The following ABHD12B variants were observed in gnomAD, a reference collection of about 807,000 sequenced individuals.
ABHD12B encodes the protein protein ABHD12B.
In ABHD12B, 42 loss-of-function variants were observed where a neutral mutation model predicts 50.4. The ratio of observed to expected loss-of-function variants is 0.83; its 90% confidence interval spans 0.65 to 1.08. The LOEUF (loss-of-function observed/expected upper bound fraction) is 1.08. Ranked by LOEUF, ABHD12B falls within the 50% of genes least tolerant of loss-of-function variation. ABHD12B has a pLI of 0.00. For missense variants in ABHD12B, 479 were observed against 447.7 expected (o/e 1.07, Z -0.63); for synonymous variants, 167 against 160.3 (o/e 1.04, Z -0.32).
chr14:50,885,945 T>C (rs774998445), intron 7 of ABHD12B, 50 bp downstream of exon 7: 1 of 1,608,366 alleles, frequency 6.2e-7, no homozygotes, highest in South Asian at 1.1e-5. Flanking sequence ...GAGGCTTTAG[T>C]GTCCTATCAA....
chr14:50,884,630 T>C lies in ABHD12B; in HGVS notation c.487-984T>C, dbSNP rs72685312. ...TACAGTTGTGAGGATTAAATAAAGTTTCAAAAGTGCCTGCACAGTAAAATT... is the reference window on the plus strand; with the variant it reads ...TACAGTTGTGAGGATTAAATAAAGTCTCAAAAGTGCCTGCACAGTAAAATT... On this transcript the variant is annotated intron_variant, in intron 5 of 12. Coordinates refer to ENST00000337334, the MANE Select transcript of ABHD12B (RefSeq NM_001206673.2). Among the ~76,000 whole-genome samples, 1,320 of 152,256 alleles carry C rather than the reference T, an allele frequency of 8.7e-3. 11 individuals are homozygous for C. The highest frequency in any genetic ancestry group is 0.014 in the Non-Finnish European group (921 of 68,024).
chr14:50,879,579 C>G (rs1348733827), intron 3 of ABHD12B, among the ~76,000 whole-genome samples: 1 of 152,196 alleles, frequency 6.6e-6, no homozygotes, highest in East Asian at 1.9e-4. Context: ...TTCCAGTGAC[C>G]TGTTTTCTAT....
At chr14:50,902,992 G>A (rs866448903) in intron 10 of ABHD12B, among the ~76,000 whole-genome samples, 2 of 152,032 alleles carry the variant, frequency 1.3e-5, no homozygotes. Flanking sequence ...GAGGTTTTGA[G>A]TTTTGTTTTC....
intron 10 of ABHD12B, among the ~76,000 whole-genome samples, chr14:50,902,259 G>C (rs1411738700): frequency 1.3e-5 from 2 of 152,126 alleles, no homozygotes; most frequent in Non-Finnish European, 2.9e-5. Flanking sequence ...GAAGTGAGAG[G>C]ATAGCTTGAG....
At chr14:50,880,697 G>C (rs1325940644) in intron 4 of ABHD12B, 126 bp downstream of exon 4, 1 of 1,145,440 alleles carries the variant, frequency 8.7e-7, no homozygotes, top group African/African-American at 1.6e-5. Context: ...CTTCTCCTTT[G>C]TTGAAATCTG....
chr14:50,884,257 T>C (rs2050002204), intron 5 of ABHD12B, among the ~76,000 whole-genome samples: 1 of 150,854 alleles, frequency 6.6e-6, no homozygotes, highest in African/African-American at 2.5e-5. Context: ...TTGTGGTTCT[T>C]GGGTTGTATT....
At chr14:50,880,824 A>G (rs1225757524) in intron 4 of ABHD12B, among the ~76,000 whole-genome samples, 2 of 152,250 alleles carry the variant, frequency 1.3e-5, no homozygotes, top group Non-Finnish European at 2.9e-5. Flanking sequence ...GATTTCAAAG[A>G]AAGTGATGAT....
chr14:50,873,596 T>G (rs1453953353), intron 1 of ABHD12B, among the ~76,000 whole-genome samples: 2 of 152,192 alleles, frequency 1.3e-5, no homozygotes, highest in African/African-American at 4.8e-5. Flanking sequence ...CTAGAACCCA[T>G]GCCTCCCAGC....
Position 50,872,167 on chromosome 14 carries a change from G to C in ABHD12B, c.-8G>C. Reference sequence around the variant, plus strand: ...CGGCGGTGGCGGCGTATCGGGACACGGCGCGGGATGGACGCGCAGGACTGC... The same window carrying C: ...CGGCGGTGGCGGCGTATCGGGACACCGCGCGGGATGGACGCGCAGGACTGC... On this transcript the variant is annotated 5_prime_UTR_variant, in exon 1 of 13. Transcript: ENST00000337334. 7.7e-7 allele frequency: 1 copy of C among 1,305,586 alleles called. No individual in the cohort carries two copies. The highest frequency in any genetic ancestry group is 9.7e-7 in the Non-Finnish European group (1 of 1,026,458). 80.9% of individuals were successfully genotyped at this position (1,305,586 alleles called of 1,614,324 possible). A position where few individuals can be genotyped will look rare whatever the true frequency, so the allele number is the denominator to read the frequency against.
chr14:50,889,532 G>A (rs996255850), intron 9 of ABHD12B, among the ~76,000 whole-genome samples: 5 of 152,198 alleles, frequency 3.3e-5, no homozygotes, highest in Non-Finnish European at 7.3e-5. Context: ...CAGCTACTCA[G>A]GAGGCTGAGG....
intron 1 of ABHD12B, among the ~76,000 whole-genome samples, chr14:50,876,398 G>A (rs1406405244): frequency 2.0e-5 from 3 of 152,120 alleles, no homozygotes; most frequent in Non-Finnish European, 2.9e-5. Flanking sequence ...ACACTTCAGG[G>A]GGAATTAATT....
At chr14:50,900,897 G>A (rs773806361) in intron 9 of ABHD12B, among the ~76,000 whole-genome samples, 4 of 152,214 alleles carry the variant, frequency 2.6e-5, no homozygotes, top group East Asian at 3.9e-4. Context: ...GGTGTTAAGC[G>A]AAAGAGTGCT....
chr14:50,888,771 G>A, intron 8 of ABHD12B, 53 bp from the exon 9 acceptor site: 1 of 1,486,398 alleles, frequency 6.7e-7, no homozygotes, highest in Non-Finnish European at 9.4e-7. Context: ...TAGGAAAGAT[G>A]GTATTTGAAT....
At chr14:50,901,140 T>C (rs1417334276) in intron 9 of ABHD12B, among the ~76,000 whole-genome samples, 1 of 152,166 alleles carries the variant, frequency 6.6e-6, no homozygotes, top group East Asian at 1.9e-4. Flanking sequence ...TTGCTCAGGA[T>C]TTTTATCCTT....
At chr14:50,885,582 A>C (rs766199039) in intron 5 of ABHD12B, 32 bp from the exon 6 acceptor site, 6 of 1,613,844 alleles carry the variant, frequency 3.7e-6, no homozygotes, top group Non-Finnish European at 5.1e-6. Context: ...TCATCTTCTA[A>C]TTAAAGTGAT....
rs769406852 is a variant in ABHD12B at position 50,901,832 on chromosome 14, T to G, written c.784T>G (p.Tyr262Asp). ...ASINYPLLKI[Y>D]RNIPGFLRTL... The stretch of plus-strand genomic sequence containing the variant: ...TTTTTTTCTTTTTTAAAAATAGATT[T>G]ACCGGAACATTCCAGGATTTTTACG... The change falls in exon 10 of 13, where the codon TAC becomes GAC. Residue 262 changes from tyrosine (Y) to aspartate (D), a missense_variant. Physicochemically the swap from Tyr to Asp is radical, Grantham distance 160. Coordinates refer to ENST00000337334, the MANE Select transcript of ABHD12B (RefSeq NM_001206673.2). The G allele has an allele frequency of 6.3e-7, 1 of 1,589,816 alleles. No individual in the cohort carries two copies. The highest frequency in any genetic ancestry group is 8.5e-7 in the Non-Finnish European group (1 of 1,171,936).
chr14:50,889,622 G>A (rs2050090542), intron 9 of ABHD12B, among the ~76,000 whole-genome samples: 1 of 152,236 alleles, frequency 6.6e-6, no homozygotes, highest in Non-Finnish European at 1.5e-5. Context: ...TGGCGACAGA[G>A]TGAGACTTCG....
chr14:50,891,368 G>C (rs954771285), intron 9 of ABHD12B: 1 of 151,870 alleles, frequency 6.6e-6, no homozygotes, highest in Non-Finnish European at 1.5e-5. Context: ...TCAGCCTCCC[G>C]AGTAGCTGGG....
At chr14:50,881,119 A>G (rs561652205) in intron 4 of ABHD12B, among the ~76,000 whole-genome samples, 22 of 152,326 alleles carry the variant, frequency 1.4e-4, no homozygotes, top group African/African-American at 5.1e-4. Context: ...CTCGCTCTGT[A>G]ACAAAGAACG....
Sources: gnomAD v4.1 joint callset for allele counts (sites outside exome capture counted in the v4.1 genomes callset) on GRCh38, gnomAD v4.1.1 for gene constraint, MANE v1.5 for transcripts, NCBI Gene and HGNC (gene_info 2026-07-23, HGNC 2026-07-21) for gene names.